The following MTBP variants were observed in gnomAD, a reference collection of about 807,000 sequenced individuals.
MTBP encodes mdm2-binding protein.
In MTBP, 101 loss-of-function variants were observed where a neutral mutation model predicts 117.0. The ratio of observed to expected loss-of-function variants is 0.86; its 90% CI spans 0.73 to 1.02. The LOEUF is 1.02. MTBP is among the 50% of genes least tolerant of loss of function. The pLI, the probability that MTBP is intolerant of heterozygous loss-of-function variation, is 0.00. For missense variants in MTBP, 970 were observed against 1,030.9 expected, an observed-to-expected ratio of 0.94 and a Z score of 0.81; for synonymous variants, 350 against 351.5, an observed-to-expected ratio of 1.00 and a Z score of 0.05.
chr8:120,508,296 T>A (rs952442640), intron 16 of MTBP, among the ~76,000 whole-genome samples: 2 of 152,118 alleles, frequency 1.3e-5, no homozygotes, highest in Non-Finnish European at 2.9e-5. Flanking sequence ...AAAACACATA[T>A]TTATCAACAT....
intron 16 of MTBP, among the ~76,000 whole-genome samples, chr8:120,509,127 A>G (rs1235396517): frequency 6.6e-6 from 1 of 152,190 alleles, no homozygotes; most frequent in Non-Finnish European, 1.5e-5. Context: ...CTCTTAAAGT[A>G]GGTGCCAGTG....
intron 11 of MTBP, among the ~76,000 whole-genome samples, chr8:120,476,128 C>A (rs1223921671): frequency 6.6e-6 from 1 of 152,044 alleles, no homozygotes; most frequent in African/African-American, 2.4e-5. Context: ...TGCATGATTT[C>A]TTTTGTCACA....
intron 8 of MTBP, among the ~76,000 whole-genome samples, chr8:120,460,192 TG>T (rs1171415807): frequency 3.3e-5 from 5 of 152,160 alleles, no homozygotes; most frequent in Non-Finnish European, 5.9e-5. Flanking sequence ...TAACTTACTA[TG>T]GCCATCTTTC....
At chr8:120,456,863 G>A (rs1813480354) in intron 7 of MTBP, among the ~76,000 whole-genome samples, 193 bp downstream of exon 7, 1 of 152,072 alleles carries the variant, frequency 6.6e-6, no homozygotes, top group Non-Finnish European at 1.5e-5. Flanking sequence ...TTGCTACTGA[G>A]CACTTTATAT....
chr8:120,490,691 T>C, intron 13 of MTBP, 121 bp downstream of exon 13: 1 of 596,172 alleles, frequency 1.7e-6, no homozygotes, highest in Admixed American at 3.6e-5. Context: ...TACTTAATTA[T>C]AGAACTATTT....
At position 120,461,143 on chromosome 8, in the gene MTBP, T is replaced by C. The variant is rs377501739; in HGVS notation, c.883-18T>C. The C allele has an allele frequency of 8.7e-6, 13 of 1,495,606 alleles. No homozygotes were observed. The African/African-American group carries it at 1.4e-4, about 16-fold the overall frequency. 92.6% of individuals were successfully genotyped at this position (1,495,606 alleles called of 1,614,324 possible). A position where few individuals can be genotyped will look rare whatever the true frequency, so the allele number is the denominator to read the frequency against. On this transcript the variant is annotated intron_variant, in intron 8 of 21. Coordinates refer to ENST00000305949, the MANE Select transcript of MTBP (RefSeq NM_022045.5). Reference sequence around the variant, plus strand: ...TTTATGGTATTTAAATATTACACAATTTTAATTTCTTTTCTAGGTTTTCCA... The same window carrying C: ...TTTATGGTATTTAAATATTACACAACTTTAATTTCTTTTCTAGGTTTTCCA...
chr8:120,467,043 T>C (rs908821298), intron 10 of MTBP, among the ~76,000 whole-genome samples: 5 of 152,232 alleles, frequency 3.3e-5, no homozygotes, highest in African/African-American at 1.2e-4. Context: ...TATTGCTTTG[T>C]GTGATCTTCA....
At chr8:120,459,533 A>G (rs1372474699) in intron 8 of MTBP, among the ~76,000 whole-genome samples, 184 bp downstream of exon 8, 2 of 152,192 alleles carry the variant, frequency 1.3e-5, no homozygotes, top group African/African-American at 4.8e-5. Context: ...TGAAAGTGTC[A>G]TTGTTTTAGA....
Position 120,455,540 on chromosome 8 carries a change from A to G in MTBP, c.590A>G (p.Tyr197Cys), listed in dbSNP as rs1211915166. Residue 197 changes from tyrosine (Y) to cysteine (C), a missense_variant, in exon 6 of 22, where the codon TAT (tyrosine) becomes TGT (cysteine). Coordinates refer to ENST00000305949, the MANE Select transcript of MTBP (RefSeq NM_022045.5). ...GCATTAAAACATTTGAGAGAATGGTATTCAGCAAAGATCACTATAGCAGGA... is the reference window on the plus strand; with the variant it reads ...GCATTAAAACATTTGAGAGAATGGTGTTCAGCAAAGATCACTATAGCAGGA... ...VGALKHLREW[Y>C]SAKITIAGNH... 2.2e-5 allele frequency: 36 copies of G among 1,610,032 alleles called. No homozygotes were observed. The highest frequency in any genetic ancestry group is 2.9e-5 in the Non-Finnish European group (34 of 1,178,398).
chr8:120,475,008 G>A (rs1813902693), intron 11 of MTBP, among the ~76,000 whole-genome samples: 2 of 151,980 alleles, frequency 1.3e-5, no homozygotes, highest in East Asian at 1.9e-4. Context: ...TTTTTATCGA[G>A]CACTTACAAT....
chr8:120,490,518 G>A lies in MTBP; in HGVS notation c.1395G>A (p.Gln465=). The A allele has an allele frequency of 6.2e-7, 1 of 1,609,404 alleles. No homozygotes were observed. Residue 465 remains glutamine (Q), a synonymous_variant, in exon 13 of 22, where the codon CAG becomes CAA. Coordinates refer to ENST00000305949, the MANE Select transcript of MTBP (RefSeq NM_022045.5). Reference sequence around the variant, plus strand: ...ATTTTTCTGGGGAGCAGATTGTACAGAGAGAGAAACAGTTAGCTAATGTTC... The same window carrying A: ...ATTTTTCTGGGGAGCAGATTGTACAAAGAGAGAAACAGTTAGCTAATGTTC... ...LPHFSGEQIV[Q]REKQLANVQV...
In MTBP at chr8:120,451,023, C is replaced by G. The variant is rs1813327945; in HGVS notation, c.220C>G (p.Pro74Ala). 3.1e-6 allele frequency: 5 copies of G among 1,611,916 alleles called. No homozygotes were observed. In the East Asian group the frequency reaches 1.1e-4, roughly 36 times the overall value. The change falls in exon 3 of 22, where the codon CCT (proline) becomes GCT (alanine). Residue 74 changes from proline (P) to alanine (A), a missense_variant. Coordinates refer to ENST00000305949, the MANE Select transcript of MTBP (RefSeq NM_022045.5). ...TCAAGCCTGTTCAGTGGGAGGTATA[C>G]CTGGTTCCAAGAAGTGGTTCTTTGC... ...TFPACSVGGI[P>A]GSKKWFFAVQ...
intron 7 of MTBP, among the ~76,000 whole-genome samples, chr8:120,457,744 A>G (rs934947833): frequency 2.0e-5 from 3 of 152,020 alleles, no homozygotes; most frequent in African/African-American, 4.8e-5. Context: ...CTAACACGGT[A>G]AAACCTCGTC....
At position 120,478,653 on chromosome 8, in the gene MTBP, AT is replaced by A. The variant is rs941487751; in HGVS notation, c.1165+7721del. ...GACTAACAATTCTTCTAATAAAAAT[AT>A]TTTTAGAGGGACTAGATAATGACTG... On this transcript the variant is annotated intron_variant, in intron 11 of 21. Transcript: ENST00000305949. 4.6e-5 allele frequency among the ~76,000 whole-genome samples: 7 copies of A among 152,326 alleles called. No homozygotes were observed. In the South Asian group the frequency reaches 8.3e-4, roughly 18 times the overall value.
chr8:120,503,154 C>T lies in MTBP; in HGVS notation c.1727+545C>T, dbSNP rs186087100. 3.2e-3 allele frequency among the ~76,000 whole-genome samples: 487 copies of T among 152,130 alleles called. 5 individuals carry two copies. Among genetic ancestry groups the T allele is most frequent in the Middle Eastern group, 0.014 (4 of 294 alleles). ...TAAGCTCTCTTACATTACTTTTCTC[C>T]GAAATATTACAAATCACATTTTTAT... On this transcript the variant is annotated intron_variant, in intron 15 of 21. Transcript: ENST00000305949.
At chr8:120,507,389 C>G (rs1333858346) in intron 16 of MTBP, among the ~76,000 whole-genome samples, 1 of 152,122 alleles carries the variant, frequency 6.6e-6, no homozygotes, top group Non-Finnish European at 1.5e-5. Context: ...ACTTCCAAGA[C>G]AGTTTTCACT....
rs370754010 is a variant in MTBP at position 120,503,138 on chromosome 8, T to G, written c.1727+529T>G. On this transcript the variant is annotated intron_variant, in intron 15 of 21. Transcript: ENST00000305949. Reference sequence around the variant, plus strand: ...ATAAAAGAGGAGAAGCTAAGCTCTCTTACATTACTTTTCTCCGAAATATTA... The same window carrying G: ...ATAAAAGAGGAGAAGCTAAGCTCTCGTACATTACTTTTCTCCGAAATATTA... Among the ~76,000 whole-genome samples, 10 of 152,344 alleles carry G rather than the reference T, an allele frequency of 6.6e-5. No individual in the cohort carries two copies. The East Asian group carries it at 1.3e-3, about 21-fold the overall frequency.
rs1167067658 is a variant in MTBP, at chr8:120,461,242, A to G, written c.964A>G (p.Ile322Val). The G allele has an allele frequency of 2.5e-6, 4 of 1,591,982 alleles. No individual in the cohort carries two copies. Among genetic ancestry groups the G allele is most frequent in the Admixed American group, 1.7e-5 (1 of 59,870 alleles). The change falls in exon 9 of 22, where the codon ATT becomes GTT. Residue 322 changes from isoleucine to valine, a missense_variant. Ile to Val is a conservative substitution (Grantham distance 29). Coordinates refer to ENST00000305949, the MANE Select transcript of MTBP (RefSeq NM_022045.5). ...TCTACCCTCCTGCTATATGTCGGAT[A>G]TTGAATTTGAGTTGTATCCTTTCAT... ...SDLPSCYMSD[I>V]EFELGLTNST...
At chr8:120,519,181 G>GA (rs35475031) in intron 20 of MTBP, among the ~76,000 whole-genome samples, 2,944 of 118,210 alleles carry the variant, frequency 0.025, 29 homozygotes, top group African/African-American at 0.03. Context: ...AAAATGTTCT[G>GA]AAAAAAAAAA....
Sources: allele counts gnomAD v4.1 joint callset (sites outside exome capture counted in the v4.1 genomes callset), GRCh38; gene constraint gnomAD v4.1.1; transcripts MANE v1.5; gene names NCBI Gene and HGNC (gene_info 2026-07-23, HGNC 2026-07-21).